The following DIAPH2 variants were observed in gnomAD, a reference collection of about 807,000 sequenced individuals.
DIAPH2 encodes diaphanous related formin 2.
DIAPH2 carries 35 observed loss-of-function variants against 92.7 expected under a neutral mutation model. The ratio of observed to expected loss-of-function variants is 0.38; its 90% CI spans 0.29 to 0.50. The LOEUF (loss-of-function observed/expected upper bound fraction) is 0.50, where lower values mean the gene tolerates loss of function less well. Among genes scored for constraint, DIAPH2 ranks in the 20% least tolerant of loss-of-function variants. The probability of loss-of-function intolerance (pLI) is 0.94; values close to 1 mark genes in which losing one functional copy is unlikely to be tolerated. For missense variants in DIAPH2, 701 were observed against 819.5 expected (o/e 0.86, Z 1.77); for synonymous variants, 301 against 280.4 (o/e 1.07, Z -0.73).
chrX:97,160,527 T>C (rs1027806434), intron 22 of DIAPH2, among the ~76,000 whole-genome samples: 2 of 112,044 alleles, frequency 1.8e-5, no homozygotes, highest in African/African-American at 6.5e-5. Context: ...CAGTGTCAGA[T>C]ATATATATAT....
At chrX:96,995,814 C>A (rs1296421336) in intron 17 of DIAPH2, among the ~76,000 whole-genome samples, 2 of 107,259 alleles carry the variant, frequency 1.9e-5, no homozygotes, top group Non-Finnish European at 3.9e-5. Context: ...GATTGTAGCT[C>A]AGAAGAATAT....
chrX:97,419,671 C>T (rs188887519), intron 25 of DIAPH2, among the ~76,000 whole-genome samples: 67 of 111,260 alleles, frequency 6.0e-4, no homozygotes, highest in Non-Finnish European at 7.7e-4. Context: ...AGTTTCTTTA[C>T]CTGGCCAATA....
intron 22 of DIAPH2, among the ~76,000 whole-genome samples, chrX:97,216,471 AT>A (rs759156988): frequency 2.5e-3 from 237 of 96,720 alleles, no homozygotes; most frequent in Admixed American, 2.1e-3. Flanking sequence ...TGCCTGGCTA[AT>A]TTTTTTTTTT....
chrX:97,535,259 G>A (rs192627531), intron 26 of DIAPH2, among the ~76,000 whole-genome samples: 7 of 112,086 alleles, frequency 6.2e-5, no homozygotes, highest in African/African-American at 2.3e-4. Context: ...ACAGGGGAAA[G>A]TGGGTACAGA....
At chrX:97,062,369 T>G (rs761789464) in intron 17 of DIAPH2, among the ~76,000 whole-genome samples, 1 of 112,212 alleles carries the variant, frequency 8.9e-6, no homozygotes, top group Non-Finnish European at 1.9e-5. Context: ...GCAGATTTTC[T>G]AAACCTTGCT....
intron 23 of DIAPH2, among the ~76,000 whole-genome samples, chrX:97,264,392 G>T: frequency 9.0e-6 from 1 of 110,792 alleles, no homozygotes; most frequent in East Asian, 2.8e-4. Flanking sequence ...GTCATTCTGT[G>T]TACATATATG....
chrX:97,476,675 C>G (rs1062181), intron 26 of DIAPH2, among the ~76,000 whole-genome samples: 1 of 109,463 alleles, frequency 9.1e-6, no homozygotes, highest in African/African-American at 3.3e-5. Flanking sequence ...AAAAAATATA[C>G]ATGGCCGGGC....
At chrX:96,974,635 C>G (rs2065949200) in intron 17 of DIAPH2, among the ~76,000 whole-genome samples, 1 of 111,371 alleles carries the variant, frequency 9.0e-6, no homozygotes, top group Non-Finnish European at 1.9e-5. Context: ...GGAGAATATC[C>G]TGTTAGTAGC....
chrX:96,873,717 C>T (rs751664122), intron 4 of DIAPH2, among the ~76,000 whole-genome samples: 22 of 109,909 alleles, frequency 2.0e-4, no homozygotes, highest in Admixed American at 5.9e-4. Flanking sequence ...TATACACACA[C>T]ACATATATAA....
intron 4 of DIAPH2, among the ~76,000 whole-genome samples, chrX:96,771,537 C>CT (rs1296005594): frequency 9.0e-6 from 1 of 111,117 alleles, no homozygotes; most frequent in Admixed American, 9.6e-5. Flanking sequence ...TATATGATGT[C>CT]TTTTTTTGTG....
chrX:96,987,493 C>T (rs757315552), intron 17 of DIAPH2, among the ~76,000 whole-genome samples: 1 of 111,436 alleles, frequency 9.0e-6, no homozygotes, highest in East Asian at 2.8e-4. Flanking sequence ...CTTGTTTTGC[C>T]ATGCTAGTAT....
intron 17 of DIAPH2, among the ~76,000 whole-genome samples, chrX:97,017,172 T>A (rs1222429718): frequency 8.9e-6 from 1 of 112,273 alleles, no homozygotes; most frequent in Non-Finnish European, 1.9e-5. Flanking sequence ...CTGAAGTGTG[T>A]CTCTCAATAC....
At chrX:97,080,609 A>G (rs1329088181) in intron 19 of DIAPH2, among the ~76,000 whole-genome samples, 4 of 110,865 alleles carry the variant, frequency 3.6e-5, no homozygotes, top group African/African-American at 9.8e-5. Context: ...TGTGATTTTT[A>G]TCTCAAAACA....
chrX:97,499,023 G>A (rs1226866276), intron 26 of DIAPH2, among the ~76,000 whole-genome samples: 1 of 111,520 alleles, frequency 9.0e-6, no homozygotes, highest in Non-Finnish European at 1.9e-5. Context: ...GTCTGCAAGT[G>A]GAGAGGAGGC....
At chrX:97,073,633 G>A in intron 18 of DIAPH2, among the ~76,000 whole-genome samples, 1 of 111,874 alleles carries the variant, frequency 8.9e-6, no homozygotes, top group Non-Finnish European at 1.9e-5. Context: ...CTTGAAATCA[G>A]AATTTTTGGT....
At chrX:97,034,303 A>T (rs2066395353) in intron 17 of DIAPH2, among the ~76,000 whole-genome samples, 1 of 111,130 alleles carries the variant, frequency 9.0e-6, no homozygotes, top group Admixed American at 9.6e-5. Context: ...ATGTATGTAG[A>T]TAATTAACAG....
intron 23 of DIAPH2, among the ~76,000 whole-genome samples, chrX:97,313,138 T>A (rs2068811264): frequency 9.0e-6 from 1 of 110,699 alleles, no homozygotes; most frequent in South Asian, 3.9e-4. Context: ...TGATCCGAGA[T>A]CGCGCCACTG....
intron 5 of DIAPH2, among the ~76,000 whole-genome samples, chrX:96,887,969 ATGTG>A (rs1214626068): frequency 9.2e-6 from 1 of 108,237 alleles, no homozygotes; most frequent in Non-Finnish European, 1.9e-5. Context: ...GCGTGTGTGT[ATGTG>A]TGTGTGTGTA....
Position 97,476,984 on chromosome X carries a change from TACACACACAC to T in DIAPH2, c.3241+47271_3241+47280del, listed in dbSNP as rs1190615516. 1.8e-3 allele frequency among the ~76,000 whole-genome samples: 103 copies of T among 57,012 alleles called. 1 individual carries two copies. The highest frequency in any genetic ancestry group is 6.8e-3 in the African/African-American group (79 of 11,612). The allele number at this position is 57,012 out of a possible 115,157, so 49.5% of individuals were successfully genotyped here. Reference sequence around the variant, plus strand: ...AAAAAAAAAAATATATATATATATATACACACACACACACACACACACACACACACACACA... The same window carrying T: ...AAAAAAAAAAATATATATATATATATACACACACACACACACACACACACA... On this transcript the variant is annotated intron_variant, in intron 26 of 26. Coordinates refer to ENST00000324765, the MANE Select transcript of DIAPH2 (RefSeq NM_006729.5).
Sources: gnomAD v4.1 joint callset for allele counts (sites outside exome capture counted in the v4.1 genomes callset) on GRCh38, gnomAD v4.1.1 for gene constraint, MANE v1.5 for transcripts, NCBI Gene and HGNC (gene_info 2026-07-23, HGNC 2026-07-21) for gene names.